SLC9C2: variants seen among roughly 807,000 people sequenced by gnomAD.
The protein encoded by SLC9C2 is solute carrier family 9 member C2 (putative).
A neutral mutation model predicts 140.2 loss-of-function variants in SLC9C2; 75 were observed. The ratio of observed to expected loss-of-function variants is 0.53; its 90% confidence interval spans 0.44 to 0.65. The LOEUF is 0.65. Ranked by LOEUF, SLC9C2 falls within the 30% of genes least tolerant of loss-of-function variation. SLC9C2 has a pLI of 0.00. For synonymous variants in SLC9C2, 375 were observed against 420.9 expected (o/e 0.89, Z 1.34); for missense variants, 1,074 against 1,331.8 (o/e 0.81, Z 3.01).
chr1:173,596,364 GTGGT>G (rs1666456434), intron 4 of SLC9C2: 1 of 152,158 alleles, frequency 6.6e-6, no homozygotes, highest in Non-Finnish European at 1.5e-5. Context: ...GTTTCCCAAA[GTGGT>G]TGTACCATTT....
chr1:173,506,752 G>T, intron 25 of SLC9C2, 104 bp downstream of exon 25: 1 of 908,692 alleles, frequency 1.1e-6, no homozygotes, highest in Non-Finnish European at 1.7e-6. Flanking sequence ...GAACTACAGG[G>T]TCATTCCAGG....
chr1:173,506,825 C>T, intron 25 of SLC9C2, 31 bp downstream of exon 25: 6 of 1,579,164 alleles, frequency 3.8e-6, no homozygotes, highest in Non-Finnish European at 5.2e-6. Flanking sequence ...CCGTGAAGAG[C>T]AAGAGACTCT....
intron 7 of SLC9C2, among the ~76,000 whole-genome samples, chr1:173,578,687 T>C (rs1467796450): frequency 6.6e-6 from 1 of 152,206 alleles, no homozygotes; most frequent in African/African-American, 2.4e-5. Flanking sequence ...ATGGAGATTC[T>C]GTCCCAGGCC....
At chr1:173,548,582 AT>A (rs1663030994) in intron 11 of SLC9C2, 30 bp from the exon 12 acceptor site, 3 of 1,612,328 alleles carry the variant, frequency 1.9e-6, no homozygotes, top group Non-Finnish European at 2.5e-6. Flanking sequence ...AAAGGCCTTA[AT>A]AGAGTACAGT....
rs562033875 is a variant in SLC9C2, at chr1:173,507,804, G to A, written c.3040-763C>T. On this transcript the variant is annotated intron_variant, in intron 24 of 27. Transcript: ENST00000367714. ...ATTCTCCCTCACAGCCCCTCAGTAGGAGCCAATCCTCCCAACACCTTGATT... is the reference window on the plus strand; with the variant it reads ...ATTCTCCCTCACAGCCCCTCAGTAGAAGCCAATCCTCCCAACACCTTGATT... Among the ~76,000 whole-genome samples, 3 of 152,254 alleles carry A rather than the reference G, an allele frequency of 2.0e-5. No individual in the cohort carries two copies. In the South Asian group the frequency reaches 6.2e-4, roughly 32 times the overall value.
chr1:173,600,324 AATTAATAT>A (rs1666708314), intron 2 of SLC9C2, 107 bp from the exon 3 acceptor site: 1 of 513,958 alleles, frequency 1.9e-6, no homozygotes, highest in Non-Finnish European at 3.2e-6. Flanking sequence ...TTCTGTATTC[AATTAATAT>A]TTAATGATGT....
chr1:173,594,365 C>T (rs1666335166), intron 4 of SLC9C2, among the ~76,000 whole-genome samples: 1 of 152,146 alleles, frequency 6.6e-6, no homozygotes, highest in Non-Finnish European at 1.5e-5. Flanking sequence ...ATGCTAATTA[C>T]CCTGATCTGA....
chr1:173,566,314 C>T (rs985500804), intron 9 of SLC9C2, among the ~76,000 whole-genome samples: 8 of 151,944 alleles, frequency 5.3e-5, no homozygotes, highest in African/African-American at 1.9e-4. Flanking sequence ...CAGGTCAGGG[C>T]TTATCTTTGC....
chr1:173,542,385 A>G (rs1406594519), intron 13 of SLC9C2, among the ~76,000 whole-genome samples: 1 of 152,236 alleles, frequency 6.6e-6, no homozygotes, highest in Non-Finnish European at 1.5e-5. Flanking sequence ...CCAACCAAAA[A>G]AAGTCCAAGA....
Position 173,597,230 on chromosome 1 carries a change from C to T in SLC9C2, c.357+674G>A, listed in dbSNP as rs1005113337. On this transcript the variant is annotated intron_variant, in intron 4 of 27. Coordinates refer to ENST00000367714, the MANE Select transcript of SLC9C2 (RefSeq NM_178527.4). Reference sequence around the variant, plus strand: ...TGTGATAAGAGAAATAATAATAAAACATCATATTTGGAAAATTCAAAACAA... The same window carrying T: ...TGTGATAAGAGAAATAATAATAAAATATCATATTTGGAAAATTCAAAACAA... Among the ~76,000 whole-genome samples, 72 of 151,694 alleles carry T rather than the reference C, an allele frequency of 4.7e-4. 1 individual carries two copies. The highest frequency in any genetic ancestry group is 1.6e-3 in the African/African-American group (66 of 41,346).
At position 173,521,408 on chromosome 1, in the gene SLC9C2, GA is replaced by G. The variant is rs372580543; in HGVS notation, c.2641-10del. On this transcript the variant is annotated splice_polypyrimidine_tract_variant and intron_variant, in intron 21 of 27. Transcript: ENST00000367714. ...GCAAGTTTGGCTCTTTCCTGAGTGG[GA>G]AAAAAAAAAACGAAAAGAAAAAGAG... The G allele has an allele frequency of 0.012, 12,839 of 1,090,872 alleles. 1 individual carries two copies. The highest frequency in any genetic ancestry group is 0.018 in the South Asian group (770 of 41,982). The allele number at this position is 1,090,872 out of a possible 1,614,324, so 67.6% of individuals were successfully genotyped here. A position where few individuals can be genotyped will look rare whatever the true frequency, so the allele number is the denominator to read the frequency against.
intron 13 of SLC9C2, 64 bp from the exon 14 acceptor site, chr1:173,537,103 C>T: frequency 2.4e-6 from 3 of 1,276,178 alleles, no homozygotes; most frequent in East Asian, 4.6e-5. Flanking sequence ...TTCTTCTTAA[C>T]CCTTACATAG....
At chr1:173,511,434 A>G (rs886147462) in intron 23 of SLC9C2, among the ~76,000 whole-genome samples, 11 of 137,096 alleles carry the variant, frequency 8.0e-5, no homozygotes, top group Admixed American at 3.0e-4. Flanking sequence ...GCTTTTTTTC[A>G]TATGTTTGTT....
chr1:173,535,526 C>T (rs1325370572), intron 15 of SLC9C2, among the ~76,000 whole-genome samples: 1 of 152,162 alleles, frequency 6.6e-6, no homozygotes, highest in Admixed American at 6.5e-5. Context: ...CTCACCCCTG[C>T]TCTATGTTAT....
At chr1:173,502,726 T>G (rs1382833669) in intron 27 of SLC9C2, among the ~76,000 whole-genome samples, 1 of 152,228 alleles carries the variant, frequency 6.6e-6, no homozygotes, top group African/African-American at 2.4e-5. Flanking sequence ...ATCTTAAAAA[T>G]TCATGCAAAT....
chr1:173,564,936 C>A (rs190414197), intron 9 of SLC9C2, among the ~76,000 whole-genome samples: 1 of 148,916 alleles, frequency 6.7e-6, no homozygotes, highest in African/African-American at 2.5e-5. Flanking sequence ...CGTGCCTGGC[C>A]GGGTAGTTTT....
At chr1:173,517,316 A>G (rs1340052485) in intron 23 of SLC9C2, among the ~76,000 whole-genome samples, 2 of 152,204 alleles carry the variant, frequency 1.3e-5, no homozygotes, top group Non-Finnish European at 2.9e-5. Flanking sequence ...AAACAAGGAC[A>G]CTGAGACTTA....
intron 7 of SLC9C2, among the ~76,000 whole-genome samples, chr1:173,577,291 C>G (rs914381470): frequency 1.3e-5 from 2 of 152,204 alleles, no homozygotes; most frequent in African/African-American, 2.4e-5. Flanking sequence ...AAATACTGCA[C>G]TGCATGTGCT....
intron 27 of SLC9C2, among the ~76,000 whole-genome samples, chr1:173,502,908 C>T (rs1033233464): frequency 5.9e-5 from 9 of 152,238 alleles, no homozygotes; most frequent in African/African-American, 2.2e-4. Context: ...ATCTGTACAT[C>T]CAGGAATCCA....
Sources: gnomAD v4.1 joint callset for allele counts (sites outside exome capture counted in the v4.1 genomes callset) on GRCh38, gnomAD v4.1.1 for gene constraint, MANE v1.5 for transcripts, NCBI Gene and HGNC (gene_info 2026-07-23, HGNC 2026-07-21) for gene names.